Variants in PHACTR2 observed in about 807,000 individuals in gnomAD.
The protein encoded by PHACTR2 is chromosome 6 open reading frame 56.
In PHACTR2, 30 loss-of-function variants were observed where a neutral mutation model predicts 76.0. The observed-to-expected ratio is 0.39, with a 90% CI of 0.30 to 0.54. PHACTR2 has a LOEUF of 0.54. PHACTR2 is among the 20% of genes least tolerant of loss of function. The pLI is 0.61. For synonymous variants in PHACTR2, 292 were observed against 292.5 expected, an observed-to-expected ratio of 1.00 and a Z score of 0.02; for missense variants, 696 against 781.1, an observed-to-expected ratio of 0.89 and a Z score of 1.30.
In PHACTR2 at chr6:143,772,232, C is replaced by G. The variant is rs1775169872; in HGVS notation, c.1233-26C>G. ...AAGGGTTGCTCTGAGCTTCACATCA[C>G]TCCCATGCTTTTCTGCCTTTAACAG... is the stretch of plus-strand genomic sequence containing the variant. On this transcript the variant is annotated intron_variant, in intron 6 of 12. Transcript: ENST00000440869. This position sits in a 1 kb window ranked among gnomAD's most constrained non-coding sequence, Gnocchi z 5.4. The G allele has an allele frequency of 1.3e-6, 2 of 1,575,120 alleles. No individual in the cohort carries two copies. Among genetic ancestry groups the G allele is most frequent in the Non-Finnish European group, 8.7e-7 (1 of 1,144,908 alleles).
intron 1 of PHACTR2, among the ~76,000 whole-genome samples, chr6:143,609,656 A>G (rs1470741405): frequency 6.6e-6 from 1 of 152,248 alleles, no homozygotes; most frequent in Non-Finnish European, 1.5e-5. Flanking sequence ...AAATTAAATA[A>G]ATAAACTTAG....
Position 143,753,868 on chromosome 6 carries a change from C to G in PHACTR2, c.410C>G (p.Ser137Cys), listed in dbSNP as rs747738501. 6 of 1,610,536 alleles carry G rather than the reference C, an allele frequency of 3.7e-6. No individual in the cohort carries two copies. The South Asian group carries it at 4.4e-5, about 12-fold the overall frequency. The change falls in exon 4 of 13, where the codon TCT becomes TGT. Residue 137 changes from serine to cysteine, a missense_variant. Transcript: ENST00000440869. This position sits in a 1 kb window ranked among gnomAD's most constrained non-coding sequence, Gnocchi z 4.6. ...TCTGAAGAAGGTAATGGCTCTGTAT[C>G]TGAAAAAACACCACCTCTGGAGGAA... ...VKSEEGNGSV[S>C]EKTPPLEEQA...
At chr6:143,799,015 C>A (rs530671355) in intron 11 of PHACTR2, among the ~76,000 whole-genome samples, 1 of 152,300 alleles carries the variant, frequency 6.6e-6, no homozygotes, top group South Asian at 2.1e-4. Flanking sequence ...CCGTCTGGTC[C>A]TGGACTCTTT....
At chr6:143,614,594 T>C (rs1776032562) in intron 1 of PHACTR2, among the ~76,000 whole-genome samples, 1 of 152,212 alleles carries the variant, frequency 6.6e-6, no homozygotes, top group Non-Finnish European at 1.5e-5. Context: ...CATAAGTATG[T>C]ACATTTCATG....
chr6:143,670,719 T>C (rs1308300385), intron 1 of PHACTR2, among the ~76,000 whole-genome samples: 3 of 152,226 alleles, frequency 2.0e-5, no homozygotes, highest in African/African-American at 7.2e-5. Flanking sequence ...TTCTCTAAAC[T>C]GGTGATTCTA....
intron 1 of PHACTR2, among the ~76,000 whole-genome samples, chr6:143,540,961 C>CTTTTTGTGTTGTCCAAGTTTTTGAGA (rs1781166790): frequency 1.3e-5 from 2 of 152,158 alleles, no homozygotes; most frequent in African/African-American, 4.8e-5. Context: ...GTTGTCCAAG[C>CTTTTTGTGTTGTCCAAGTTTTTGAGA]TGGAGTACAA....
Position 143,807,466 on chromosome 6 carries a change from C to A in PHACTR2, c.1922+333C>A, listed in dbSNP as rs983803346. On this transcript the variant is annotated intron_variant, in intron 12 of 12. Transcript: ENST00000440869. This position sits in a 1 kb window ranked among gnomAD's most constrained non-coding sequence, Gnocchi z 5.5. ...AACTAATCATGCTGAATAAGAATTT[C>A]TAAAATTAAATCTTTTCTTTCAAGG... Among the ~76,000 whole-genome samples, 2 of 152,176 alleles carry A rather than the reference C, an allele frequency of 1.3e-5. No individual in the cohort carries two copies. The highest frequency in any genetic ancestry group is 2.9e-5 in the Non-Finnish European group (2 of 68,028).
rs771115980 is a variant in PHACTR2, at chr6:143,760,594, C to G, written c.648C>G (p.Pro216=). ...KNTKAPGKQA[P]VPPPKPASRN... ...CCAAGGCTCCTGGTAAGCAGGCCCC[C>G]GTCCCTCCACCCAAGCCAGCAAGCC... Residue 216 remains proline, a synonymous_variant, in exon 5 of 13, where the codon CCC becomes CCG. Coordinates refer to ENST00000440869, the MANE Select transcript of PHACTR2 (RefSeq NM_001100164.2). The surrounding 1 kb of genome is among the most constrained non-coding windows in gnomAD (Gnocchi z 6.4). The G allele has an allele frequency of 6.2e-7, 1 of 1,613,956 alleles. No homozygotes were observed. The highest frequency in any genetic ancestry group is 2.2e-5 in the East Asian group (1 of 44,872).
rs1044347425 is a variant in PHACTR2 at position 143,549,069 on chromosome 6, G to A, written c.217+11862G>A. ...GCATTCTCTCCCCCCGACCCAGATT[G>A]ACATGGTGCCTGATCTCCTCCCCAG... On this transcript the variant is annotated intron_variant, in intron 1 of 11. Coordinates refer to the PHACTR2 transcript ENST00000367584. This position sits in a 1 kb window ranked among gnomAD's most constrained non-coding sequence, Gnocchi z 4.2. Among the ~76,000 whole-genome samples the A allele has an allele frequency of 1.3e-5, 2 of 151,954 alleles. No individual in the cohort carries two copies. Among genetic ancestry groups the A allele is most frequent in the African/African-American group, 4.8e-5 (2 of 41,398 alleles).
intron 5 of PHACTR2, among the ~76,000 whole-genome samples, chr6:143,762,009 A>G (rs1265336624): frequency 6.6e-6 from 1 of 152,102 alleles, no homozygotes; most frequent in African/African-American, 2.4e-5. Flanking sequence ...ATTTCCCAGA[A>G]TGATGTGCCA....
intron 2 of PHACTR2, among the ~76,000 whole-genome samples, chr6:143,737,413 G>A (rs1456737210): frequency 6.6e-6 from 1 of 151,914 alleles, no homozygotes; most frequent in Non-Finnish European, 1.5e-5. Context: ...GGGATTACAG[G>A]CATGAGCTGC....
chr6:143,567,939 G>T (rs536378729), intron 1 of PHACTR2, among the ~76,000 whole-genome samples: 11 of 152,212 alleles, frequency 7.2e-5, no homozygotes, highest in Non-Finnish European at 1.5e-4. Context: ...ACGTTCCAGC[G>T]ATTCCCACGA....
chr6:143,677,187 C>T (rs551457032), upstream of PHACTR2, among the ~76,000 whole-genome samples: 1 of 152,082 alleles, frequency 6.6e-6, no homozygotes, highest in East Asian at 1.9e-4. Context: ...GCACCATATA[C>T]AGATGTTCCA....
intron 1 of PHACTR2, among the ~76,000 whole-genome samples, chr6:143,577,344 A>G (rs1775526635): frequency 6.6e-6 from 1 of 152,244 alleles, no homozygotes; most frequent in Admixed American, 6.5e-5. Flanking sequence ...ATATCACCTA[A>G]CATAGGGAAA....
intron 1 of PHACTR2, among the ~76,000 whole-genome samples, chr6:143,564,186 TGTGTGTGTGC>T (rs766232327): frequency 0.057 from 5,799 of 101,352 alleles, 356 homozygotes; most frequent in East Asian, 0.099. Flanking sequence ...TGTGTGTATG[TGTGTGTGTGC>T]ATATATATAT....
At chr6:143,771,879 G>C (rs1775160485) in intron 6 of PHACTR2, among the ~76,000 whole-genome samples, 1 of 152,196 alleles carries the variant, frequency 6.6e-6, no homozygotes. Context: ...AGTATGCTAA[G>C]CACTCTAGCG....
At chr6:143,579,797 A>G (rs1775552054) in intron 1 of PHACTR2, among the ~76,000 whole-genome samples, 1 of 152,008 alleles carries the variant, frequency 6.6e-6, no homozygotes, top group African/African-American at 2.4e-5. Context: ...TAGGAAATAC[A>G]TTTATTGTTT....
Position 143,828,341 on chromosome 6 carries a change from G to T in PHACTR2, c.*4652G>T, listed in dbSNP as rs1053246591. 1.2e-4 allele frequency: 19 copies of T among 152,180 alleles called. No individual in the cohort carries two copies. The highest frequency in any genetic ancestry group is 4.6e-4 in the African/African-American group (19 of 41,422). 9.4% of individuals were successfully genotyped at this position (152,180 alleles called of 1,614,324 possible). A position where few individuals can be genotyped will look rare whatever the true frequency, so the allele number is the denominator to read the frequency against. On this transcript the variant is annotated 3_prime_UTR_variant, in exon 13 of 13. Transcript: ENST00000440869. This position sits in a 1 kb window ranked among gnomAD's most constrained non-coding sequence, Gnocchi z 4.7. ...AAAGGCAGGCAGTGACCAAGAGGTG[G>T]TGGGGAGAGAGGTAGAGTACCCTCA... is the stretch of plus-strand genomic sequence containing the variant.
rs200079637 is a variant in PHACTR2, at chr6:143,743,949, C to T, written c.215-5036C>T. On this transcript the variant is annotated intron_variant, in intron 2 of 12. Coordinates refer to ENST00000440869, the MANE Select transcript of PHACTR2 (RefSeq NM_001100164.2). This position sits in a 1 kb window ranked among gnomAD's most constrained non-coding sequence, Gnocchi z 5.0. ...TAATATGAAATCCCAGCCAAGTATCCGCAGAAAAAAGCCAGCGGCATATGC... is the reference window on the plus strand; with the variant it reads ...TAATATGAAATCCCAGCCAAGTATCTGCAGAAAAAAGCCAGCGGCATATGC... Among the ~76,000 whole-genome samples the T allele has an allele frequency of 6.6e-5, 10 of 152,140 alleles. No individual in the cohort carries two copies. Among genetic ancestry groups the T allele is most frequent in the Non-Finnish European group, 1.2e-4 (8 of 68,032 alleles).
Sources: allele counts gnomAD v4.1 joint callset (sites outside exome capture counted in the v4.1 genomes callset), GRCh38; gene constraint gnomAD v4.1.1; non-coding constraint Gnocchi (gnomAD v3.1); transcripts MANE v1.5; gene names NCBI Gene and HGNC (gene_info 2026-07-23, HGNC 2026-07-21).